Variants in TMEM178A observed in about 807,000 individuals in gnomAD.
TMEM178A encodes the protein transmembrane protein 178.
A neutral mutation model predicts 29.1 loss-of-function variants in TMEM178A; 12 were observed. The observed-to-expected ratio is 0.41, with a 90% CI of 0.26 to 0.67. The LOEUF is 0.67. Ranked by LOEUF, TMEM178A falls within the 30% of genes least tolerant of loss-of-function variation. The pLI, the probability that TMEM178A is intolerant of heterozygous loss-of-function variation, is 0.29. For missense variants in TMEM178A, 366 were observed against 419.1 expected, an observed-to-expected ratio of 0.87 and a Z score of 1.11; for synonymous variants, 210 against 187.2, an observed-to-expected ratio of 1.12 and a Z score of -0.99.
At chr2:39,712,412 G>A (rs1672350833) in intron 3 of TMEM178A, among the ~76,000 whole-genome samples, 1 of 152,110 alleles carries the variant, frequency 6.6e-6, no homozygotes, top group African/African-American at 2.4e-5. Flanking sequence ...AGATTTTAGG[G>A]TAGGAAATTA....
intron 3 of TMEM178A, among the ~76,000 whole-genome samples, chr2:39,715,029 A>G (rs1672477399): frequency 6.6e-6 from 1 of 152,226 alleles, no homozygotes; most frequent in Admixed American, 6.5e-5. Context: ...GAAGAAACCA[A>G]GGCTCAGAGA....
At chr2:39,704,056 A>G in intron 1 of TMEM178A, 25 bp from the exon 2 acceptor site, 1 of 1,601,800 alleles carries the variant, frequency 6.2e-7, no homozygotes, top group Non-Finnish European at 8.6e-7. Flanking sequence ...CAGACTCGTA[A>G]ATCGCGTTTC....
At chr2:39,665,676 G>A, upstream of TMEM178A, 1 of 303,068 alleles carries the variant, frequency 3.3e-6, no homozygotes, top group Non-Finnish European at 5.9e-6. Context: ...GCGGGGTGGG[G>A]GGCGCCGGGG....
chr2:39,710,486 G>T (rs981505163), intron 3 of TMEM178A, among the ~76,000 whole-genome samples: 3 of 152,172 alleles, frequency 2.0e-5, no homozygotes, highest in Non-Finnish European at 4.4e-5. Context: ...AAGGGGAGGG[G>T]ATGGAAGAGG....
At chr2:39,726,151 G>A in the TMEM178A span, among the ~76,000 whole-genome samples, 2 of 152,204 alleles carry the variant, frequency 1.3e-5, no homozygotes, top group Non-Finnish European at 2.9e-5. Context: ...GAGACAGACA[G>A]TAATAAAACA....
intron 3 of TMEM178A, among the ~76,000 whole-genome samples, chr2:39,714,342 C>T (rs764197160): frequency 2.0e-5 from 3 of 151,420 alleles, no homozygotes; most frequent in African/African-American, 4.9e-5. Flanking sequence ...AAGTTTGATG[C>T]GTGCCCTGTT....
intron 1 of TMEM178A, among the ~76,000 whole-genome samples, chr2:39,696,720 T>G (rs1310094102): frequency 6.6e-6 from 1 of 152,126 alleles, no homozygotes; most frequent in Non-Finnish European, 1.5e-5. Flanking sequence ...TAACCTCGAG[T>G]AGGGGTTTCT....
chr2:39,688,025 G>C lies in TMEM178A; in HGVS notation c.401-16056G>C, dbSNP rs567591706. Among the ~76,000 whole-genome samples, 127 of 152,296 alleles carry C rather than the reference G, an allele frequency of 8.3e-4. 2 individuals carry two copies. In the South Asian group the frequency reaches 0.026, roughly 31 times the overall value. On this transcript the variant is annotated intron_variant, in intron 1 of 3. Transcript: ENST00000281961. ...GGTAACAATAGAACCTATCAGATGA[G>C]GGAAATGTCAGTAAAGCTCTCAGCA...
chr2:39,691,059 G>C (rs115551099), intron 1 of TMEM178A, among the ~76,000 whole-genome samples: 1,633 of 152,174 alleles, frequency 0.011, 37 homozygotes, highest in African/African-American at 0.037. Flanking sequence ...ACAAAAGAAT[G>C]AAAAAGTGAA....
At chr2:39,710,693 A>G (rs1318584648) in intron 3 of TMEM178A, among the ~76,000 whole-genome samples, 1 of 152,110 alleles carries the variant, frequency 6.6e-6, no homozygotes, top group Admixed American at 6.5e-5. Flanking sequence ...AGGAGATGAG[A>G]GCAAAAAAAG....
downstream of TMEM178A, among the ~76,000 whole-genome samples, chr2:39,721,174 A>C (rs1672696180): frequency 6.6e-6 from 1 of 152,248 alleles, no homozygotes. Flanking sequence ...AAGAAGAGGA[A>C]GTTTTCTGTG....
chr2:39,687,541 A>T (rs17024145), intron 1 of TMEM178A: 12 of 163,742 alleles, frequency 7.3e-5, no homozygotes, highest in African/African-American at 2.9e-4. Context: ...CACCTTTTTC[A>T]TGCTTCCTAG....
chr2:39,692,355 G>T (rs1186212790), intron 1 of TMEM178A, among the ~76,000 whole-genome samples: 1 of 152,140 alleles, frequency 6.6e-6, no homozygotes, highest in Non-Finnish European at 1.5e-5. Context: ...GTAACTATGT[G>T]GTGTGATGGA....
At chr2:39,678,031 G>A (rs1379350828) in intron 1 of TMEM178A, among the ~76,000 whole-genome samples, 2 of 152,008 alleles carry the variant, frequency 1.3e-5, no homozygotes, top group Non-Finnish European at 1.5e-5. Flanking sequence ...AAGGAAGGCA[G>A]GAAGGAACAG....
chr2:39,677,445 A>G (rs774672210), intron 1 of TMEM178A, among the ~76,000 whole-genome samples: 3 of 152,208 alleles, frequency 2.0e-5, no homozygotes, highest in Non-Finnish European at 4.4e-5. Context: ...ACTCCTTGCT[A>G]TTGCCAGTGT....
chr2:39,715,143 A>G (rs1482421792), intron 3 of TMEM178A, among the ~76,000 whole-genome samples: 1 of 152,220 alleles, frequency 6.6e-6, no homozygotes, highest in Non-Finnish European at 1.5e-5. Context: ...AGGATGCTTA[A>G]AAGTCTAGGT....
intron 1 of TMEM178A, chr2:39,697,967 A>G (rs1220980550): frequency 6.6e-6 from 1 of 152,276 alleles, no homozygotes. Context: ...TCTCTCCAGC[A>G]TTAAGCAGCT....
chr2:39,730,829 T>G, the TMEM178A span, among the ~76,000 whole-genome samples: 3 of 152,228 alleles, frequency 2.0e-5, no homozygotes, highest in Non-Finnish European at 4.4e-5. Flanking sequence ...AGTGATATAG[T>G]AACAGGTACC....
intron 1 of TMEM178A, among the ~76,000 whole-genome samples, chr2:39,684,717 G>A (rs927431798): frequency 2.0e-5 from 3 of 152,212 alleles, no homozygotes; most frequent in South Asian, 2.1e-4. Context: ...CTTCTCCCCC[G>A]GTCCCTGTCG....
Sources: allele counts gnomAD v4.1 joint callset (sites outside exome capture counted in the v4.1 genomes callset), GRCh38; gene constraint gnomAD v4.1.1; transcripts MANE v1.5; gene names NCBI Gene and HGNC (gene_info 2026-07-23, HGNC 2026-07-21).